The following SH3BGRL variants were observed in gnomAD, a reference collection of about 807,000 sequenced individuals.
SH3BGRL encodes SH3 domain binding glutamate rich protein like.
A neutral mutation model predicts 9.8 loss-of-function variants in SH3BGRL; 7 were observed. The ratio of observed to expected loss-of-function variants is 0.72; its 90% CI spans 0.41 to 1.35. The LOEUF (loss-of-function observed/expected upper bound fraction) is 1.35. Ranked by LOEUF, SH3BGRL falls within the 40% of genes most tolerant of loss-of-function variation. SH3BGRL has a pLI of 0.01. For synonymous variants in SH3BGRL, 36 were observed against 29.1 expected, an observed-to-expected ratio of 1.24 and a Z score of -0.76; for missense variants, 73 against 84.4, an observed-to-expected ratio of 0.86 and a Z score of 0.53.
At chrX:81,293,390 A>T (rs143096738) in intron 3 of SH3BGRL, among the ~76,000 whole-genome samples, 303 of 111,860 alleles carry the variant, frequency 2.7e-3, no homozygotes, top group Non-Finnish European at 5.3e-3. Flanking sequence ...GATACTTAAA[A>T]ATGTGGATGT....
chrX:81,264,076 G>C (rs1419459522), intron 1 of SH3BGRL, among the ~76,000 whole-genome samples: 1 of 109,981 alleles, frequency 9.1e-6, no homozygotes, highest in Non-Finnish European at 1.9e-5. Context: ...GGCTGGTCAA[G>C]AGAAAGGAGA....
intron 3 of SH3BGRL, among the ~76,000 whole-genome samples, chrX:81,296,678 G>GTA (rs1360632711): frequency 1.8e-5 from 2 of 111,721 alleles, no homozygotes; most frequent in Non-Finnish European, 3.8e-5. Context: ...TTTGTGTCAA[G>GTA]TAGGTCAGAG....
At chrX:81,280,383 A>G (rs1278896325) in intron 3 of SH3BGRL, among the ~76,000 whole-genome samples, 2 of 111,686 alleles carry the variant, frequency 1.8e-5, no homozygotes, top group Non-Finnish European at 3.8e-5. Context: ...ATAGAGCATT[A>G]AACCACCAAA....
At chrX:81,285,591 T>C (rs971206471) in intron 3 of SH3BGRL, among the ~76,000 whole-genome samples, 2 of 111,970 alleles carry the variant, frequency 1.8e-5, no homozygotes, top group African/African-American at 3.2e-5. Context: ...AGTTAAATGC[T>C]TAACATATTT....
intron 1 of SH3BGRL, among the ~76,000 whole-genome samples, chrX:81,218,755 A>G (rs1037498523): frequency 1.1e-4 from 11 of 101,566 alleles, no homozygotes; most frequent in Non-Finnish European, 2.2e-4. Flanking sequence ...ATACAGATAT[A>G]TAGATATAGA....
In SH3BGRL at chrX:81,246,843, G is replaced by A. The variant is rs755213362; in HGVS notation, c.46-30141G>A. On this transcript the variant is annotated intron_variant, in intron 1 of 3. Transcript: ENST00000373212. The stretch of plus-strand genomic sequence containing the variant: ...TAGCATAGTTTTTTTCTAGTTCTGC[G>A]AAGAATGTTATTTGTAGTTTGATAG... Among the ~76,000 whole-genome samples, 13 of 111,844 alleles carry A rather than the reference G, an allele frequency of 1.2e-4. No individual in the cohort carries two copies. The East Asian group carries it at 2.2e-3, about 19-fold the overall frequency.
chrX:81,230,073 G>A (rs754514497), intron 1 of SH3BGRL, among the ~76,000 whole-genome samples: 40 of 111,758 alleles, frequency 3.6e-4, no homozygotes, highest in Non-Finnish European at 6.4e-4. Flanking sequence ...CTTCATTTCT[G>A]TGAACCTCAG....
chrX:81,216,675 G>T (rs776958390), intron 1 of SH3BGRL, among the ~76,000 whole-genome samples: 61 of 111,127 alleles, frequency 5.5e-4, no homozygotes, highest in Middle Eastern at 4.7e-3. Context: ...GCTCCCACTA[G>T]TAAGTGAGAA....
intron 1 of SH3BGRL, among the ~76,000 whole-genome samples, chrX:81,229,739 T>C (rs1175788211): frequency 1.8e-5 from 2 of 111,863 alleles, no homozygotes; most frequent in Admixed American, 9.5e-5. Context: ...GTGTTCCTCT[T>C]GATGTCCAGG....
intron 1 of SH3BGRL, among the ~76,000 whole-genome samples, chrX:81,243,796 A>G (rs979289073): frequency 1.8e-5 from 2 of 111,672 alleles, no homozygotes; most frequent in Admixed American, 1.9e-4. Flanking sequence ...ATTAATAATC[A>G]TAATAATTTA....
At chrX:81,267,032 C>G (rs1268776351) in intron 1 of SH3BGRL, among the ~76,000 whole-genome samples, 1 of 111,609 alleles carries the variant, frequency 9.0e-6, no homozygotes, top group Non-Finnish European at 1.9e-5. Flanking sequence ...TATAGGAATG[C>G]TTGTGATTTT....
At chrX:81,242,532 C>T (rs2075673566) in intron 1 of SH3BGRL, among the ~76,000 whole-genome samples, 1 of 112,212 alleles carries the variant, frequency 8.9e-6, no homozygotes, top group Non-Finnish European at 1.9e-5. Flanking sequence ...TTGAGTAACA[C>T]TGCACAGGCA....
Position 81,252,534 on chromosome X carries a change from CTT to C in SH3BGRL, c.46-24447_46-24446del, listed in dbSNP as rs71965961. 9.1e-3 allele frequency among the ~76,000 whole-genome samples: 1,023 copies of C among 111,874 alleles called. 10 individuals carry two copies. The highest frequency in any genetic ancestry group is 0.031 in the African/African-American group (956 of 30,760). On this transcript the variant is annotated intron_variant, in intron 1 of 3. Transcript: ENST00000373212. ...GCTTTTTAGTAAAGGGGTATTCAGT[CTT>C]TTGGCGTCCCTGGGCCGCATTGGAA... is the stretch of plus-strand genomic sequence containing the variant.
chrX:81,271,448 C>T (rs1264978504), intron 1 of SH3BGRL, among the ~76,000 whole-genome samples: 1 of 112,231 alleles, frequency 8.9e-6, no homozygotes, highest in African/African-American at 3.2e-5. Flanking sequence ...AATGCTGCCA[C>T]ATCTTGGAAC....
chrX:81,289,521 A>G (rs1362205257), intron 3 of SH3BGRL, among the ~76,000 whole-genome samples: 2 of 110,582 alleles, frequency 1.8e-5, no homozygotes, highest in Non-Finnish European at 3.8e-5. Context: ...CAAACTACCC[A>G]TCTGACAGGG....
In SH3BGRL at chrX:81,297,524, C is replaced by G. The variant is rs909251598; in HGVS notation, c.*297C>G. On this transcript the variant is annotated 3_prime_UTR_variant, in exon 4 of 4. Coordinates refer to ENST00000373212, the MANE Select transcript of SH3BGRL (RefSeq NM_003022.3). ...ACCAATGATTTTACAAAGAAAACAC[C>G]CTTCCCTCCTTCTGCCATTACTATG... 3 of 163,628 alleles carry G rather than the reference C, an allele frequency of 1.8e-5. No individual in the cohort carries two copies. The highest frequency in any genetic ancestry group is 9.2e-5 in the African/African-American group (3 of 32,566). 13.5% of individuals were successfully genotyped at this position (163,628 alleles called of 1,213,427 possible).
At chrX:81,231,262 C>T (rs984172847) in intron 1 of SH3BGRL, among the ~76,000 whole-genome samples, 26 of 112,685 alleles carry the variant, frequency 2.3e-4, no homozygotes, top group South Asian at 1.5e-3. Flanking sequence ...GATGGACTTA[C>T]AGATGAAGTT....
intron 1 of SH3BGRL, among the ~76,000 whole-genome samples, chrX:81,209,111 G>A (rs925534534): frequency 6.7e-5 from 7 of 104,748 alleles, no homozygotes; most frequent in Admixed American, 6.4e-4. Flanking sequence ...AGGCTCAAGC[G>A]ATCTTCCTGC....
chrX:81,205,448 GTA>G (rs199921028), intron 1 of SH3BGRL, among the ~76,000 whole-genome samples: 4 of 105,028 alleles, frequency 3.8e-5, no homozygotes, highest in African/African-American at 1.4e-4. Context: ...TTTTGTGTGT[GTA>G]TATATATGTG....
Sources: gnomAD v4.1 joint callset for allele counts (sites outside exome capture counted in the v4.1 genomes callset) on GRCh38, gnomAD v4.1.1 for gene constraint, MANE v1.5 for transcripts, NCBI Gene and HGNC (gene_info 2026-07-23, HGNC 2026-07-21) for gene names.